Variants in RAB21 observed in about 807,000 individuals in gnomAD.
RAB21 encodes the protein ras-related protein Rab-21.
RAB21 carries 13 observed loss-of-function variants against 33.1 expected under a neutral mutation model. The observed-to-expected ratio is 0.39, with a 90% CI of 0.26 to 0.62. The LOEUF (loss-of-function observed/expected upper bound fraction) is 0.62. RAB21 is among the 20% of genes least tolerant of loss of function. The pLI is 0.48. For synonymous variants in RAB21, 91 were observed against 103.7 expected, an observed-to-expected ratio of 0.88 and a Z score of 0.74; for missense variants, 234 against 279.1, an observed-to-expected ratio of 0.84 and a Z score of 1.15.
At chr12:71,779,639 C>A (rs1176373270) in intron 4 of RAB21, among the ~76,000 whole-genome samples, 2 of 152,136 alleles carry the variant, frequency 1.3e-5, no homozygotes, top group African/African-American at 4.8e-5. Context: ...TGGACATGCC[C>A]CTTCTATGTT....
At chr12:71,777,410 T>A (rs1213568436) in intron 4 of RAB21, among the ~76,000 whole-genome samples, 1 of 152,246 alleles carries the variant, frequency 6.6e-6, no homozygotes, top group Non-Finnish European at 1.5e-5. Flanking sequence ...TACTTTAATC[T>A]ATGAATACTC....
intron 6 of RAB21, among the ~76,000 whole-genome samples, chr12:71,784,032 A>G (rs1883243452): frequency 6.6e-6 from 1 of 152,244 alleles, no homozygotes; most frequent in Admixed American, 6.5e-5. Flanking sequence ...ACATACCTAA[A>G]AAATAGAAAT....
chr12:71,767,565 C>T (rs943963171), intron 1 of RAB21, among the ~76,000 whole-genome samples: 3 of 151,656 alleles, frequency 2.0e-5, no homozygotes, highest in Admixed American at 6.6e-5. Flanking sequence ...GCATGCAGAG[C>T]GGGGTGTAAG....
intron 1 of RAB21, among the ~76,000 whole-genome samples, chr12:71,764,221 A>G (rs1339224044): frequency 2.0e-5 from 3 of 152,166 alleles, no homozygotes; most frequent in Non-Finnish European, 4.4e-5. Context: ...GTATGTGCGT[A>G]TGAGTGGTGT....
At position 71,789,823 on chromosome 12, in the gene RAB21, G is replaced by C. The variant is rs73140647; in HGVS notation, c.*4150G>C. Reference sequence around the variant, plus strand: ...TATTTGGTGTTCTGGACCAAAATTCGTGCTACACATATGTCTGATGGCCTT... The same window carrying C: ...TATTTGGTGTTCTGGACCAAAATTCCTGCTACACATATGTCTGATGGCCTT... On this transcript the variant is annotated 3_prime_UTR_variant, in exon 7 of 7. Coordinates refer to ENST00000261263, the MANE Select transcript of RAB21 (RefSeq NM_014999.4). 1 of 152,046 alleles carries C rather than the reference G, an allele frequency of 6.6e-6. No homozygotes were observed. The highest frequency in any genetic ancestry group is 1.5e-5 in the Non-Finnish European group (1 of 67,966). The allele number at this position is 152,046 out of a possible 1,614,324, so 9.4% of individuals were successfully genotyped here.
chr12:71,757,215 C>T (rs1340096132), intron 1 of RAB21, among the ~76,000 whole-genome samples: 1 of 152,140 alleles, frequency 6.6e-6, no homozygotes, highest in Non-Finnish European at 1.5e-5. Flanking sequence ...TCAAGTGATT[C>T]TCCTGCGTCA....
Position 71,797,557 on chromosome 12 carries a change from A to G in RAB21, c.*11884A>G, listed in dbSNP as rs1883479090. 1 of 147,314 alleles carries G rather than the reference A, an allele frequency of 6.8e-6. No individual in the cohort carries two copies. The allele number at this position is 147,314 out of a possible 1,614,324, so 9.1% of individuals were successfully genotyped here. ...ATTTCAGTTCTCTAAATTGAATGCAATCCCAATAAAAATATAAGGATTAAA... is the reference window on the plus strand; with the variant it reads ...ATTTCAGTTCTCTAAATTGAATGCAGTCCCAATAAAAATATAAGGATTAAA... On this transcript the variant is annotated 3_prime_UTR_variant, in exon 7 of 7. Transcript: ENST00000261263.
chr12:71,762,787 G>A (rs190177090), intron 1 of RAB21, among the ~76,000 whole-genome samples: 240 of 151,926 alleles, frequency 1.6e-3, no homozygotes, highest in African/African-American at 5.5e-3. Context: ...TCACCTTGTT[G>A]GTCAGGCTGG....
intron 1 of RAB21, among the ~76,000 whole-genome samples, chr12:71,765,754 G>T (rs1316681743): frequency 3.3e-5 from 5 of 152,018 alleles, no homozygotes; most frequent in Non-Finnish European, 7.4e-5. Context: ...CGAAGATCAG[G>T]TAAGTGTAAG....
Position 71,770,707 on chromosome 12 carries a change from A to G in RAB21, c.327+8A>G, listed in dbSNP as rs113233547. ...GAAGATTCTTTTCAGAAGGTATTCT[A>G]TTCATGGGTAGATGTCTTAGAAGAA... On this transcript the variant is annotated splice_region_variant and intron_variant, in intron 3 of 6. Coordinates refer to ENST00000261263, the MANE Select transcript of RAB21 (RefSeq NM_014999.4). 52 of 1,512,008 alleles carry G rather than the reference A, an allele frequency of 3.4e-5. No individual in the cohort carries two copies. The African/African-American group carries it at 5.5e-4, about 16-fold the overall frequency. The allele number at this position is 1,512,008 out of a possible 1,614,324, so 93.7% of individuals were successfully genotyped here.
In RAB21 at chr12:71,788,044, G is replaced by A. The variant is rs528587386; in HGVS notation, c.*2371G>A. The A allele has an allele frequency of 6.6e-6, 1 of 152,290 alleles. No homozygotes were observed. Among genetic ancestry groups the A allele is most frequent in the East Asian group, 1.9e-4 (1 of 5,170 alleles). 9.4% of individuals were successfully genotyped at this position (152,290 alleles called of 1,614,324 possible). On this transcript the variant is annotated 3_prime_UTR_variant, in exon 7 of 7. Coordinates refer to ENST00000261263, the MANE Select transcript of RAB21 (RefSeq NM_014999.4). ...ATGCATTTGTAGGGCCAGCTACTTG[G>A]GAGAGTGAGGCAGGAGGATCACTTG...
intron 6 of RAB21, among the ~76,000 whole-genome samples, chr12:71,784,986 A>T (rs147207400): frequency 2.0e-5 from 3 of 151,772 alleles, no homozygotes; most frequent in African/African-American, 4.8e-5. Context: ...CCAGCTACTC[A>T]GGGACTGAGG....
rs1883367896 is a variant in RAB21, at chr12:71,790,681, A to G, written c.*5008A>G. The G allele has an allele frequency of 6.6e-6, 1 of 152,124 alleles. No homozygotes were observed. The highest frequency in any genetic ancestry group is 2.1e-4 in the South Asian group (1 of 4,824). 9.4% of individuals were successfully genotyped at this position (152,124 alleles called of 1,614,324 possible). ...CTCCTCAAATATCTTTTTGCTATGT[A>G]TTAATATATCTATATGTTTACATAT... On this transcript the variant is annotated 3_prime_UTR_variant, in exon 7 of 7. Transcript: ENST00000261263.
At position 71,798,623 on chromosome 12, in the gene RAB21, T is replaced by C. The variant is rs1328268432; in HGVS notation, c.*12950T>C. 5 of 152,186 alleles carry C rather than the reference T, an allele frequency of 3.3e-5. No homozygotes were observed. 9.4% of individuals were successfully genotyped at this position (152,186 alleles called of 1,614,324 possible). A position where few individuals can be genotyped will look rare whatever the true frequency, so the allele number is the denominator to read the frequency against. On this transcript the variant is annotated 3_prime_UTR_variant, in exon 7 of 7. Coordinates refer to ENST00000261263, the MANE Select transcript of RAB21 (RefSeq NM_014999.4). ...AAAATGATTCAAGCCGGAAAAAAAGTTCAACTTTATTACTAAGAGAAGTAT... is the reference window on the plus strand; with the variant it reads ...AAAATGATTCAAGCCGGAAAAAAAGCTCAACTTTATTACTAAGAGAAGTAT...
chr12:71,767,537 C>T (rs987219858), intron 1 of RAB21, among the ~76,000 whole-genome samples: 1 of 151,768 alleles, frequency 6.6e-6, no homozygotes, highest in Admixed American at 6.6e-5. Flanking sequence ...ACCAGGGAAG[C>T]TTTGGGAAGA....
intron 6 of RAB21, among the ~76,000 whole-genome samples, chr12:71,785,163 G>A (rs1337872867): frequency 1.3e-5 from 2 of 152,074 alleles, no homozygotes; most frequent in African/African-American, 2.4e-5. Context: ...AATAAATCCT[G>A]CCCCCTAAAT....
chr12:71,797,838 T>C lies in RAB21; in HGVS notation c.*12165T>C, dbSNP rs1485368889. 3.3e-5 allele frequency: 5 copies of C among 152,040 alleles called. No individual in the cohort carries two copies. The highest frequency in any genetic ancestry group is 9.7e-5 in the African/African-American group (4 of 41,386). The allele number at this position is 152,040 out of a possible 1,614,324, so 9.4% of individuals were successfully genotyped here. ...ATGTTTCAGCTCAGTGGGGAAAATA[T>C]GGTTTATTCATTAAAGGTAGTAGGA... On this transcript the variant is annotated 3_prime_UTR_variant, in exon 7 of 7. Transcript: ENST00000261263.
intron 1 of RAB21, among the ~76,000 whole-genome samples, chr12:71,760,292 T>C (rs926238646): frequency 4.6e-5 from 7 of 152,224 alleles, no homozygotes; most frequent in Non-Finnish European, 7.3e-5. Context: ...TTTGGTGTTT[T>C]AGTGTGGCTC....
chr12:71,782,614 A>C lies in RAB21; in HGVS notation c.491A>C (p.Lys164Thr). 1 of 1,604,548 alleles carries C rather than the reference A, an allele frequency of 6.2e-7. No homozygotes were observed. Among genetic ancestry groups the C allele is most frequent in the East Asian group, 2.2e-5 (1 of 44,550 alleles). ...VGAKHYHTSAKQNKGIEELFL... is the reference protein window; with the variant it reads ...VGAKHYHTSATQNKGIEELFL... ...GCAAAACATTATCATACTTCAGCCA[A>C]ACAGAACAAAGGAATTGAGGAACTC... The change falls in exon 6 of 7, where the codon AAA (lysine) becomes ACA (threonine). Residue 164 changes from lysine to threonine, a missense_variant. Lys to Thr is a moderately conservative substitution (Grantham distance 78). Transcript: ENST00000261263.
Sources: gnomAD v4.1 joint callset for allele counts (sites outside exome capture counted in the v4.1 genomes callset) on GRCh38, gnomAD v4.1.1 for gene constraint, MANE v1.5 for transcripts, NCBI Gene and HGNC (gene_info 2026-07-23, HGNC 2026-07-21) for gene names.